The following TMEM201 variants were observed in gnomAD, a reference collection of about 807,000 sequenced individuals.
The protein encoded by TMEM201 is RP13-15M17.2.
TMEM201 carries 26 observed loss-of-function variants against 63.4 expected under a neutral mutation model. The ratio of observed to expected loss-of-function variants is 0.41; its 90% confidence interval spans 0.30 to 0.57. TMEM201 has a LOEUF of 0.57. Among genes scored for constraint, TMEM201 ranks in the 20% least tolerant of loss-of-function variants. The pLI, the probability that TMEM201 is intolerant of heterozygous loss-of-function variation, is 0.29. For synonymous variants in TMEM201, 417 were observed against 421.6 expected, an observed-to-expected ratio of 0.99 and a Z score of 0.14; for missense variants, 794 against 917.7, an observed-to-expected ratio of 0.87 and a Z score of 1.74.
At position 9,604,720 on chromosome 1, in the gene TMEM201, G is replaced by A; in HGVS notation, c.1160+2448G>A. ...CCGGCCCCCCGTACCCCTTGCCTGG[G>A]AGCAAACCGCCAGGACGCAGCCTCC... On this transcript the variant is annotated intron_variant, in intron 6 of 10. Coordinates refer to ENST00000340381, the MANE Select transcript of TMEM201 (RefSeq NM_001130924.3). The surrounding 1 kb of genome is among the most constrained non-coding windows in gnomAD (Gnocchi z 4.1). 6.1e-6 allele frequency: 6 copies of A among 985,966 alleles called. No individual in the cohort carries two copies. The highest frequency in any genetic ancestry group is 7.2e-6 in the Non-Finnish European group (6 of 830,040). 61.1% of individuals were successfully genotyped at this position (985,966 alleles called of 1,614,324 possible).
At chr1:9,611,145 C>G (rs1161596841) in intron 9 of TMEM201, 1 of 1,081,082 alleles carries the variant, frequency 9.2e-7, no homozygotes, top group Non-Finnish European at 1.3e-6. Flanking sequence ...TTATAGTTAG[C>G]CCCCAGCCTT....
In TMEM201 at chr1:9,604,612, G is replaced by A; in HGVS notation, c.1160+2340G>A. 1 of 985,572 alleles carries A rather than the reference G, an allele frequency of 1.0e-6. No individual in the cohort carries two copies. Among genetic ancestry groups the A allele is most frequent in the Non-Finnish European group, 1.2e-6 (1 of 829,938 alleles). 61.1% of individuals were successfully genotyped at this position (985,572 alleles called of 1,614,324 possible). On this transcript the variant is annotated intron_variant, in intron 6 of 10. Transcript: ENST00000340381. The surrounding 1 kb of genome is among the most constrained non-coding windows in gnomAD (Gnocchi z 4.1). ...TAGGGTCTGGCTGGGGTCATCCTAG[G>A]TATGGGTGACCGTCCCTGAGACATA...
At position 9,610,643 on chromosome 1, in the gene TMEM201, CTG is replaced by C. The variant is rs1557563178; in HGVS notation, c.1604_1605del (p.Leu535GlnfsTer24). ...CCTCATCAGCCCTGCCCGGCTCAAC[CTG>C]AAGGGACAGAAGCTGCTGCTGTTCC... ...RPLISPARLN[L>X]KGQKLLLFPS... On this transcript the variant is annotated frameshift_variant, in exon 9 of 11. Transcript: ENST00000340381. LOFTEE classifies it high-confidence loss of function. This position sits in a 1 kb window ranked among gnomAD's most constrained non-coding sequence, Gnocchi z 4.9. 1 of 1,550,582 alleles carries C rather than the reference CTG, an allele frequency of 6.4e-7. No individual in the cohort carries two copies. Among genetic ancestry groups the C allele is most frequent in the Non-Finnish European group, 8.7e-7 (1 of 1,146,924 alleles).
In TMEM201 at chr1:9,604,591, G is replaced by T; in HGVS notation, c.1160+2319G>T. The T allele has an allele frequency of 3.0e-6, 3 of 985,476 alleles. No homozygotes were observed. The highest frequency in any genetic ancestry group is 3.6e-6 in the Non-Finnish European group (3 of 829,932). The allele number at this position is 985,476 out of a possible 1,614,324, so 61.0% of individuals were successfully genotyped here. A position where few individuals can be genotyped will look rare whatever the true frequency, so the allele number is the denominator to read the frequency against. ...TGGGATGGCCATCAGACCTTCTAGG[G>T]TCTGGCTGGGGTCATCCTAGGTATG... is the stretch of plus-strand genomic sequence containing the variant. On this transcript the variant is annotated intron_variant, in intron 6 of 10. Coordinates refer to ENST00000340381, the MANE Select transcript of TMEM201 (RefSeq NM_001130924.3). The surrounding 1 kb of genome is among the most constrained non-coding windows in gnomAD (Gnocchi z 4.1).
chr1:9,613,265 G>A lies in TMEM201; in HGVS notation c.*182G>A. Reference sequence around the variant, plus strand: ...CTCACCTAACGGACTGCAGGGCTGAGCATGTGTCTGAGGTCACACTCTCTG... The same window carrying A: ...CTCACCTAACGGACTGCAGGGCTGAACATGTGTCTGAGGTCACACTCTCTG... On this transcript the variant is annotated 3_prime_UTR_variant, in exon 11 of 11. Transcript: ENST00000340381. 1.6e-6 allele frequency: 1 copy of A among 611,890 alleles called. No individual in the cohort carries two copies. Among genetic ancestry groups the A allele is most frequent in the East Asian group, 2.8e-5 (1 of 36,178 alleles). The allele number at this position is 611,890 out of a possible 1,614,324, so 37.9% of individuals were successfully genotyped here. A position where few individuals can be genotyped will look rare whatever the true frequency, so the allele number is the denominator to read the frequency against.
intron 7 of TMEM201, 51 bp from the exon 8 acceptor site, chr1:9,609,789 C>T (rs1644295417): frequency 6.6e-7 from 1 of 1,524,824 alleles, no homozygotes; most frequent in East Asian, 2.5e-5. Context: ...GTGGGGGCCT[C>T]TGCACGTCAT....
At chr1:9,592,776 A>G (rs568642181) in intron 1 of TMEM201, among the ~76,000 whole-genome samples, 4 of 152,214 alleles carry the variant, frequency 2.6e-5, no homozygotes, top group African/African-American at 7.2e-5. Flanking sequence ...TTAGGGACCC[A>G]TCTCCCTCCG....
At chr1:9,606,699 C>T (rs1644250353) in intron 6 of TMEM201, 1 of 152,336 alleles carries the variant, frequency 6.6e-6, no homozygotes, top group African/African-American at 2.4e-5. Flanking sequence ...CTGCCTCTGT[C>T]CCTCTCTTCC....
At chr1:9,596,112 T>G in intron 2 of TMEM201, 102 bp downstream of exon 2, 3 of 1,443,376 alleles carry the variant, frequency 2.1e-6, no homozygotes, top group Non-Finnish European at 2.8e-6. Context: ...CCGGGGCTCA[T>G]GGACCCCACA....
chr1:9,596,903 C>G lies in TMEM201; in HGVS notation c.279C>G (p.His93Gln), dbSNP rs1210353728. ...NKPIPAQYLE[H>Q]LNHVVSSAPS... is the part of the protein sequence containing the mutation. Reference sequence around the variant, plus strand: ...CGATCCCCGCCCAGTACTTGGAGCACCTGAACCACGTGGTGAGCAGCGCGC... The same window carrying G: ...CGATCCCCGCCCAGTACTTGGAGCAGCTGAACCACGTGGTGAGCAGCGCGC... Residue 93 changes from histidine (H) to glutamine (Q), a missense_variant, in exon 3 of 11, where the codon CAC becomes CAG. Physicochemically the swap from His to Gln is conservative, Grantham distance 24 (BLOSUM62 0). Transcript: ENST00000340381. 2 of 1,609,348 alleles carry G rather than the reference C, an allele frequency of 1.2e-6. No homozygotes were observed. Among genetic ancestry groups the G allele is most frequent in the African/African-American group, 1.3e-5 (1 of 74,886 alleles).
Position 9,607,694 on chromosome 1 carries a change from T to C in TMEM201, c.1298T>C (p.Leu433Pro), listed in dbSNP as rs1456974482. 6.4e-7 allele frequency: 1 copy of C among 1,551,868 alleles called. No homozygotes were observed. The highest frequency in any genetic ancestry group is 1.2e-5 in the South Asian group (1 of 84,050). Residue 433 changes from leucine (L) to proline (P), a missense_variant, in exon 7 of 11, where the codon CTC (leucine) becomes CCC (proline). Transcript: ENST00000340381. The surrounding 1 kb of genome is among the most constrained non-coding windows in gnomAD (Gnocchi z 5.4). ...TTCCTGCCCCTCGCCAACCAGCAGC[T>C]CTTCCGGTCTCCTCGACGGACCTCA... ...PSFLPLANQQ[L>P]FRSPRRTSPS...
In TMEM201 at chr1:9,607,424, C is replaced by T. The variant is rs955438613; in HGVS notation, c.1161-133C>T. 61 of 668,152 alleles carry T rather than the reference C, an allele frequency of 9.1e-5. No individual in the cohort carries two copies. Among genetic ancestry groups the T allele is most frequent in the Middle Eastern group, 3.7e-4 (1 of 2,678 alleles). 41.4% of individuals were successfully genotyped at this position (668,152 alleles called of 1,614,324 possible). ...CGGATTGCTTTTCTGCTTTAACTAACGCACGCCTCCTCTGGGACCCCAGCT... is the reference window on the plus strand; with the variant it reads ...CGGATTGCTTTTCTGCTTTAACTAATGCACGCCTCCTCTGGGACCCCAGCT... On this transcript the variant is annotated intron_variant, in intron 6 of 10. Transcript: ENST00000340381. This position sits in a 1 kb window ranked among gnomAD's most constrained non-coding sequence, Gnocchi z 5.4.
Position 9,604,734 on chromosome 1 carries a change from G to A in TMEM201, c.1160+2462G>A, listed in dbSNP as rs1338115328. On this transcript the variant is annotated intron_variant, in intron 6 of 10. Coordinates refer to ENST00000340381, the MANE Select transcript of TMEM201 (RefSeq NM_001130924.3). The surrounding 1 kb of genome is among the most constrained non-coding windows in gnomAD (Gnocchi z 4.1). ...CCCTTGCCTGGGAGCAAACCGCCAG[G>A]ACGCAGCCTCCACGCCGCACCTGCC... 5.1e-6 allele frequency: 5 copies of A among 985,982 alleles called. No homozygotes were observed. The African/African-American group carries it at 8.7e-5, about 17-fold the overall frequency. The allele number at this position is 985,982 out of a possible 1,614,324, so 61.1% of individuals were successfully genotyped here.
Position 9,602,908 on chromosome 1 carries a change from T to C in TMEM201, c.1160+636T>C, listed in dbSNP as rs1644173322. On this transcript the variant is annotated intron_variant, in intron 6 of 10. Coordinates refer to ENST00000340381, the MANE Select transcript of TMEM201 (RefSeq NM_001130924.3). ...CCGAGCTGCAGCTCTGGCTGCTGCT[T>C]GGCCTCCTGCTCCAAGACCCTCCCG... 5.1e-6 allele frequency: 5 copies of C among 985,426 alleles called. No individual in the cohort carries two copies. The Admixed American group carries it at 2.5e-4, about 48-fold the overall frequency. 61.0% of individuals were successfully genotyped at this position (985,426 alleles called of 1,614,324 possible).
rs756285194 is a variant in TMEM201 at position 9,601,120 on chromosome 1, G to T, written c.622G>T (p.Val208Leu). Residue 208 changes from valine (V) to leucine (L), a missense_variant, in exon 5 of 11, where the codon GTG becomes TTG. By Grantham distance (32) the Val-to-Leu change is conservative. Coordinates refer to ENST00000340381, the MANE Select transcript of TMEM201 (RefSeq NM_001130924.3). ...QTHAQNFSSA[V>L]KSPVQVILLR... Reference sequence around the variant, plus strand: ...TCCTTTGCAGAACTTCTCCTCCGCCGTGAAGTCCCCGGTCCAGGTCATCCT... The same window carrying T: ...TCCTTTGCAGAACTTCTCCTCCGCCTTGAAGTCCCCGGTCCAGGTCATCCT... 2.5e-6 allele frequency: 4 copies of T among 1,590,170 alleles called. No individual in the cohort carries two copies. The Admixed American group carries it at 5.1e-5, about 20-fold the overall frequency.
intron 3 of TMEM201, among the ~76,000 whole-genome samples, chr1:9,597,466 C>T (rs974226986): frequency 6.6e-6 from 1 of 152,162 alleles, no homozygotes; most frequent in African/African-American, 2.4e-5. Flanking sequence ...CTGGTGGCCC[C>T]GGCAGTCTGC....
chr1:9,597,020 C>T lies in TMEM201; in HGVS notation c.396C>T (p.Ile132=), dbSNP rs866794854. 1 of 1,610,256 alleles carries T rather than the reference C, an allele frequency of 6.2e-7. No individual in the cohort carries two copies. The highest frequency in any genetic ancestry group is 8.5e-7 in the Non-Finnish European group (1 of 1,177,570). The change falls in exon 3 of 11, where the codon ATC becomes ATT. Residue 132 remains isoleucine, a synonymous_variant. Transcript: ENST00000340381. The part of the protein sequence containing the change: ...KRCNHHQTTK[I]KQLAAFAPRE... The stretch of plus-strand genomic sequence containing the variant: ...GCAACCACCACCAGACCACCAAGAT[C>T]AAGCAGCTGGCCGCCTTCGCTCCCC...
intron 2 of TMEM201, 90 bp from the exon 3 acceptor site, chr1:9,596,769 G>C: frequency 7.6e-7 from 1 of 1,314,172 alleles, no homozygotes; most frequent in South Asian, 1.5e-5. Context: ...ACCATCACTT[G>C]CCTGGAGCGG....
In TMEM201 at chr1:9,610,370, T is replaced by G. The variant is rs1216100075; in HGVS notation, c.1466-136T>G. The G allele has an allele frequency of 1.1e-6, 1 of 918,000 alleles. No homozygotes were observed. Among genetic ancestry groups the G allele is most frequent in the South Asian group, 1.8e-5 (1 of 55,540 alleles). 56.9% of individuals were successfully genotyped at this position (918,000 alleles called of 1,614,324 possible). A position where few individuals can be genotyped will look rare whatever the true frequency, so the allele number is the denominator to read the frequency against. ...TCCTCCTTCAGCTTTGCAGCAGGAC[T>G]TCCCCCTGTCCCCAGTCTCTGCACC... On this transcript the variant is annotated intron_variant, in intron 8 of 10. Coordinates refer to ENST00000340381, the MANE Select transcript of TMEM201 (RefSeq NM_001130924.3). The surrounding 1 kb of genome is among the most constrained non-coding windows in gnomAD (Gnocchi z 4.9).
Sources: gnomAD v4.1 joint callset for allele counts (sites outside exome capture counted in the v4.1 genomes callset) on GRCh38, gnomAD v4.1.1 for gene constraint, Gnocchi (gnomAD v3.1) non-coding constraint, MANE v1.5 for transcripts, NCBI Gene and HGNC (gene_info 2026-07-23, HGNC 2026-07-21) for gene names.